The following NUCB1 variants were observed in gnomAD, a reference collection of about 807,000 sequenced individuals.
The protein encoded by NUCB1 is nucleobindin-1.
In NUCB1, 47 loss-of-function variants were observed where a neutral mutation model predicts 61.2. That is an observed-to-expected ratio of 0.77 (90% confidence interval 0.61 to 0.98). The LOEUF is 0.98. Ranked by LOEUF, NUCB1 falls within the 50% of genes least tolerant of loss-of-function variation. The pLI is 0.00. For missense variants in NUCB1, 583 were observed against 605.3 expected, an observed-to-expected ratio of 0.96 and a Z score of 0.39; for synonymous variants, 234 against 243.1, an observed-to-expected ratio of 0.96 and a Z score of 0.35.
intron 3 of NUCB1, among the ~76,000 whole-genome samples, chr19:48,905,352 G>A (rs536283193): frequency 4.3e-4 from 66 of 152,052 alleles, no homozygotes; most frequent in African/African-American, 1.3e-3. Flanking sequence ...CTGAACCCTC[G>A]TATCAGGATC....
At chr19:48,911,436 G>A (rs1318249683) in intron 5 of NUCB1, among the ~76,000 whole-genome samples, 184 bp downstream of exon 5, 2 of 134,346 alleles carry the variant, frequency 1.5e-5, no homozygotes, top group African/African-American at 5.7e-5. Context: ...ACGAAATCTC[G>A]CTGTTTTCCC....
chr19:48,903,466 ATGGGCGGG>A (rs2122163529), intron 2 of NUCB1, among the ~76,000 whole-genome samples: 2 of 111,648 alleles, frequency 1.8e-5, no homozygotes, highest in African/African-American at 3.7e-5. Context: ...GGTTGGATGG[ATGGGCGGG>A]TGGATGGATG....
rs200372110 is a variant in NUCB1, at chr19:48,921,849, G to A, written c.1196G>A (p.Arg399Gln). The part of the protein sequence containing the change: ...LQQAVLHMEQ[R>Q]KQQQQQQQGH... ...CAGGCTGTGCTGCACATGGAGCAGCGGAAGCAGCAGCAGCAGCAGCAGCAA... is the reference window on the plus strand; with the variant it reads ...CAGGCTGTGCTGCACATGGAGCAGCAGAAGCAGCAGCAGCAGCAGCAGCAA... Residue 399 changes from arginine to glutamine, a missense_variant, in exon 12 of 13, where the codon CGG (arginine) becomes CAG (glutamine). By Grantham distance (43) the Arg-to-Gln change is conservative. Coordinates refer to ENST00000405315, the MANE Select transcript of NUCB1 (RefSeq NM_006184.6). 8.4e-5 allele frequency: 136 copies of A among 1,612,622 alleles called. No homozygotes were observed. In the East Asian group the frequency reaches 1.1e-3, roughly 13 times the overall value.
At chr19:48,911,727 G>A (rs546148990) in intron 5 of NUCB1, among the ~76,000 whole-genome samples, 8 of 151,882 alleles carry the variant, frequency 5.3e-5, no homozygotes, top group Non-Finnish European at 8.8e-5. Context: ...GATACCCACC[G>A]TAATCTAGCA....
Position 48,913,095 on chromosome 19 carries a change from C to T in NUCB1, c.565C>T (p.Arg189Cys), listed in dbSNP as rs1376360256. ...GATGCTTAAGGAACACGAGAGACGGCGTTATCTGGAGTCACTGGGAGAGGA... is the reference window on the plus strand; with the variant it reads ...GATGCTTAAGGAACACGAGAGACGGTGTTATCTGGAGTCACTGGGAGAGGA... ...YEMLKEHERR[R>C]YLESLGEEQR... is the part of the protein sequence containing the mutation. The change falls in exon 6 of 13, where the codon CGT (arginine) becomes TGT (cysteine). Residue 189 changes from arginine (R) to cysteine (C), a missense_variant. Arg to Cys is a radical substitution (Grantham distance 180). Transcript: ENST00000405315. 1.3e-5 allele frequency: 21 copies of T among 1,613,444 alleles called. No homozygotes were observed. The highest frequency in any genetic ancestry group is 2.2e-5 in the East Asian group (1 of 44,878).
Position 48,913,063 on chromosome 19 carries a change from G to T in NUCB1, c.533G>T (p.Arg178Leu), listed in dbSNP as rs1260487518. The T allele has an allele frequency of 6.2e-7, 1 of 1,613,600 alleles. No homozygotes were observed. The highest frequency in any genetic ancestry group is 1.3e-5 in the African/African-American group (1 of 74,912). The change falls in exon 6 of 13, where the codon CGC (arginine) becomes CTC (leucine). Residue 178 changes from arginine to leucine, a missense_variant. Coordinates refer to ENST00000405315, the MANE Select transcript of NUCB1 (RefSeq NM_006184.6). ...GCAGCCCATCATGAAGAGTTCAAGC[G>T]CTACGAGATGCTTAAGGAACACGAG... The part of the protein sequence containing the change: ...YDAAHHEEFK[R>L]YEMLKEHERR...
At chr19:48,912,399 A>G (rs768403332) in intron 5 of NUCB1, among the ~76,000 whole-genome samples, 2 of 152,000 alleles carry the variant, frequency 1.3e-5, no homozygotes, top group Non-Finnish European at 2.9e-5. Flanking sequence ...TGTTGTTCCT[A>G]TTTACTTATT....
intron 10 of NUCB1, among the ~76,000 whole-genome samples, chr19:48,920,912 G>A (rs925162272): frequency 8.6e-5 from 13 of 151,982 alleles, no homozygotes; most frequent in East Asian, 1.9e-4. Context: ...AACTCCTGGC[G>A]TCAAGTGATC....
At chr19:48,906,717 C>T (rs904844300) in intron 4 of NUCB1, among the ~76,000 whole-genome samples, 1 of 150,222 alleles carries the variant, frequency 6.7e-6, no homozygotes, top group African/African-American at 2.4e-5. Context: ...AACAAGATCC[C>T]ATCTCAAAAA....
rs1348390568 is a variant in NUCB1, at chr19:48,900,849, T to G, written c.53T>G (p.Leu18Arg). The G allele has an allele frequency of 6.2e-7, 1 of 1,613,836 alleles. No homozygotes were observed. Among genetic ancestry groups the G allele is most frequent in the Non-Finnish European group, 8.5e-7 (1 of 1,180,020 alleles). ...CTCCTTCTGTTGCCGCTGCTGCTGC[T>G]GCTCCTGCTTCGCGCCGTGCTGGCT... is the stretch of plus-strand genomic sequence containing the variant. ...GTLLLLPLLL[L>R]LLLRAVLAVP... Residue 18 changes from leucine to arginine, a missense_variant, in exon 2 of 13, where the codon CTG becomes CGG. Physicochemically the swap from Leu to Arg is moderately radical, Grantham distance 102 (BLOSUM62 -2). Transcript: ENST00000405315.
intron 5 of NUCB1, among the ~76,000 whole-genome samples, chr19:48,911,910 C>T (rs1171347716): frequency 6.6e-6 from 1 of 152,038 alleles, no homozygotes; most frequent in African/African-American, 2.4e-5. Context: ...GGCTGAGTAA[C>T]TTGCCCAGTG....
At chr19:48,901,648 C>T (rs193264873) in intron 2 of NUCB1, among the ~76,000 whole-genome samples, 2 of 152,342 alleles carry the variant, frequency 1.3e-5, no homozygotes, top group East Asian at 1.9e-4. Flanking sequence ...CCTATAATCC[C>T]AGCTACTCTG....
intron 4 of NUCB1, among the ~76,000 whole-genome samples, chr19:48,908,871 A>G (rs547009564): frequency 6.6e-6 from 1 of 152,072 alleles, no homozygotes; most frequent in South Asian, 2.1e-4. Context: ...CTCGGGAGAC[A>G]TGCGTGCGGT....
In NUCB1 at chr19:48,922,547, C is replaced by A; in HGVS notation, c.*123C>A. The A allele has an allele frequency of 2.7e-6, 2 of 746,638 alleles. No individual in the cohort carries two copies. Among genetic ancestry groups the A allele is most frequent in the Non-Finnish European group, 4.5e-6 (2 of 444,124 alleles). 46.3% of individuals were successfully genotyped at this position (746,638 alleles called of 1,614,324 possible). On this transcript the variant is annotated 3_prime_UTR_variant, in exon 13 of 13. Coordinates refer to ENST00000405315, the MANE Select transcript of NUCB1 (RefSeq NM_006184.6). ...ATGTTGGGCTCCTGGGGCGGGGGCA[C>A]GGCCTGGCATTTCACGCATTGCTGC...
intron 11 of NUCB1, 47 bp downstream of exon 11, chr19:48,921,371 C>G (rs560664099): frequency 1.2e-5 from 18 of 1,543,368 alleles, no homozygotes; most frequent in South Asian, 3.6e-5. Context: ...TCTGGCTGCC[C>G]GTGTCCGTGT....
At chr19:48,915,835 G>A (rs2037533784) in intron 7 of NUCB1, among the ~76,000 whole-genome samples, 1 of 150,948 alleles carries the variant, frequency 6.6e-6, no homozygotes. Flanking sequence ...TTTTTTTTGA[G>A]ACAGGATCTT....
chr19:48,911,198 C>T lies in NUCB1; in HGVS notation c.426C>T (p.Asp142=). 6.2e-7 allele frequency: 1 copy of T among 1,613,850 alleles called. No homozygotes were observed. The highest frequency in any genetic ancestry group is 1.1e-5 in the South Asian group (1 of 91,068). ...TCCTGAAACAGTTTGAACACCTGGA[C>T]CCTCAGAACCAGCATACATTCGAGG... The part of the protein sequence containing the change: ...LNLLKQFEHL[D]PQNQHTFEAR... The change falls in exon 5 of 13, where the codon GAC becomes GAT. Residue 142 remains aspartate, a synonymous_variant. Coordinates refer to ENST00000405315, the MANE Select transcript of NUCB1 (RefSeq NM_006184.6).
At chr19:48,921,746 C>A in intron 11 of NUCB1, 81 bp from the exon 12 acceptor site, 1 of 1,358,540 alleles carries the variant, frequency 7.4e-7, no homozygotes. Flanking sequence ...GCTGTGAAGT[C>A]TCCGTTTGGG....
intron 7 of NUCB1, among the ~76,000 whole-genome samples, chr19:48,917,684 C>T (rs60597126): frequency 0.037 from 5,557 of 151,966 alleles, 342 homozygotes; most frequent in African/African-American, 0.12. Flanking sequence ...TTTGTAGAGA[C>T]GGGGTTTTAC....
Sources: allele counts gnomAD v4.1 joint callset (sites outside exome capture counted in the v4.1 genomes callset), GRCh38; gene constraint gnomAD v4.1.1; transcripts MANE v1.5; gene names NCBI Gene and HGNC (gene_info 2026-07-23, HGNC 2026-07-21).